GNAQ: variants seen among roughly 807,000 people sequenced by gnomAD.
The protein encoded by GNAQ is G protein subunit alpha q.
In GNAQ, 8 loss-of-function variants were observed where a neutral mutation model predicts 43.9. The ratio of observed to expected loss-of-function variants is 0.18; its 90% confidence interval spans 0.11 to 0.33. The LOEUF (loss-of-function observed/expected upper bound fraction) is 0.33. Ranked by LOEUF, GNAQ falls within the 10% of genes least tolerant of loss-of-function variation. The pLI is 1.00. For missense variants in GNAQ, 158 were observed against 450.8 expected (o/e 0.35, Z 5.88); for synonymous variants, 155 against 170.7 (o/e 0.91, Z 0.71).
chr9:77,853,267 G>A (rs570844953), intron 2 of GNAQ, among the ~76,000 whole-genome samples: 2 of 152,142 alleles, frequency 1.3e-5, no homozygotes, highest in African/African-American at 4.8e-5. Context: ...GGCTCTTTGG[G>A]CATATTTTTA....
chr9:77,829,056 T>G (rs931369289), intron 2 of GNAQ, among the ~76,000 whole-genome samples: 1 of 152,162 alleles, frequency 6.6e-6, no homozygotes, highest in African/African-American at 2.4e-5. Flanking sequence ...CAGGATGTCC[T>G]GGGGTGGGAC....
intron 5 of GNAQ, among the ~76,000 whole-genome samples, chr9:77,774,331 T>C (rs1826273623): frequency 6.6e-6 from 1 of 152,372 alleles, no homozygotes; most frequent in Non-Finnish European, 1.5e-5. Flanking sequence ...GAACTAATAC[T>C]GCTACGTTTG....
chr9:77,726,470 G>C (rs897824808), intron 6 of GNAQ, among the ~76,000 whole-genome samples: 7 of 152,170 alleles, frequency 4.6e-5, no homozygotes, highest in African/African-American at 1.7e-4. Context: ...AGCCAGGACT[G>C]TACCACATTC....
chr9:77,890,093 T>A (rs1190060680), intron 2 of GNAQ, among the ~76,000 whole-genome samples: 3 of 152,218 alleles, frequency 2.0e-5, no homozygotes, highest in African/African-American at 7.2e-5. Context: ...TATTCTTTAT[T>A]AAAAATTATT....
intron 5 of GNAQ, among the ~76,000 whole-genome samples, chr9:77,751,816 A>G (rs1825817184): frequency 6.6e-6 from 1 of 151,482 alleles, no homozygotes; most frequent in Non-Finnish European, 1.5e-5. Context: ...ACAAACAAAC[A>G]AAAAAAACAA....
At chr9:77,814,241 G>A (rs140194368) in intron 3 of GNAQ, among the ~76,000 whole-genome samples, 30 of 152,174 alleles carry the variant, frequency 2.0e-4, no homozygotes, top group Admixed American at 1.8e-3. Flanking sequence ...TACAGTGGGA[G>A]CCCAGGAGGA....
At chr9:77,839,901 A>G (rs1415565197) in intron 2 of GNAQ, among the ~76,000 whole-genome samples, 2 of 152,362 alleles carry the variant, frequency 1.3e-5, no homozygotes, top group African/African-American at 4.8e-5. Flanking sequence ...GTGCCAAGTT[A>G]TGATGACAGA....
intron 1 of GNAQ, among the ~76,000 whole-genome samples, chr9:77,960,818 A>C (rs1823098343): frequency 6.6e-6 from 1 of 152,214 alleles, no homozygotes; most frequent in African/African-American, 2.4e-5. Context: ...ACAGAAAAAT[A>C]AGAAACTTAA....
chr9:77,823,782 A>G (rs1027551618), intron 2 of GNAQ, among the ~76,000 whole-genome samples: 1 of 152,190 alleles, frequency 6.6e-6, no homozygotes, highest in Non-Finnish European at 1.5e-5. Flanking sequence ...CCACGATTCA[A>G]TCACCTCCCA....
intron 2 of GNAQ, among the ~76,000 whole-genome samples, chr9:77,881,680 G>A (rs1480469409): frequency 6.6e-6 from 1 of 152,108 alleles, no homozygotes; most frequent in Non-Finnish European, 1.5e-5. Context: ...CACCATGCCT[G>A]GCTGGTTGAT....
chr9:77,830,843 A>T (rs890003907), intron 2 of GNAQ, among the ~76,000 whole-genome samples: 1 of 151,344 alleles, frequency 6.6e-6, no homozygotes, highest in African/African-American at 2.4e-5. Flanking sequence ...TATACCACAC[A>T]CACACACACA....
At chr9:77,941,907 T>TACACACACACACAC (rs10560776) in intron 1 of GNAQ, among the ~76,000 whole-genome samples, 30 of 141,100 alleles carry the variant, frequency 2.1e-4, no homozygotes, top group Middle Eastern at 3.6e-3. Context: ...ACAACATACA[T>TACACACACACACAC]ACACACACAC....
At chr9:77,991,571 CTTT>C (rs769066952) in intron 1 of GNAQ, among the ~76,000 whole-genome samples, 9 of 152,094 alleles carry the variant, frequency 5.9e-5, no homozygotes, top group Non-Finnish European at 1.0e-4. Context: ...TCTTAAAAAT[CTTT>C]TTTTAATTTC....
At chr9:77,892,693 C>T (rs187160208) in intron 2 of GNAQ, among the ~76,000 whole-genome samples, 117 of 152,124 alleles carry the variant, frequency 7.7e-4, no homozygotes, top group African/African-American at 2.8e-3. Context: ...GCATAAATGA[C>T]GTGGAAATCA....
chr9:77,893,032 T>C (rs930100369), intron 2 of GNAQ, among the ~76,000 whole-genome samples: 1 of 152,168 alleles, frequency 6.6e-6, no homozygotes, highest in South Asian at 2.1e-4. Context: ...CTGCCCACTT[T>C]ATGGATAATC....
chr9:78,015,341 A>T (rs771805053), intron 1 of GNAQ, among the ~76,000 whole-genome samples: 8 of 152,200 alleles, frequency 5.3e-5, no homozygotes, highest in Non-Finnish European at 1.2e-4. Context: ...CACAATAACA[A>T]CATCATCTGG....
intron 1 of GNAQ, among the ~76,000 whole-genome samples, chr9:78,008,733 C>T (rs1823738019): frequency 6.6e-6 from 1 of 152,184 alleles, no homozygotes; most frequent in Non-Finnish European, 1.5e-5. Flanking sequence ...ATTCTCCCAC[C>T]TCAGCCTTTC....
chr9:77,827,213 G>C (rs564927449), intron 2 of GNAQ, among the ~76,000 whole-genome samples: 1 of 151,576 alleles, frequency 6.6e-6, no homozygotes, highest in East Asian at 2.0e-4. Context: ...ACCACAACCT[G>C]AATAAAACCT....
At chr9:77,809,751 T>C (rs1826888935) in intron 3 of GNAQ, among the ~76,000 whole-genome samples, 2 of 152,212 alleles carry the variant, frequency 1.3e-5, no homozygotes, top group Admixed American at 1.3e-4. Context: ...ATCTGATTAC[T>C]TACTATGATA....
Sources: allele counts gnomAD v4.1 joint callset (sites outside exome capture counted in the v4.1 genomes callset), GRCh38; gene constraint gnomAD v4.1.1; transcripts MANE v1.5; gene names NCBI Gene and HGNC (gene_info 2026-07-23, HGNC 2026-07-21).